FAM76B: variants seen among roughly 807,000 people sequenced by gnomAD.
The protein encoded by FAM76B is family with sequence similarity 76 member B.
In FAM76B, 16 loss-of-function variants were observed where a neutral mutation model predicts 51.8. The ratio of observed to expected loss-of-function variants is 0.31; its 90% CI spans 0.21 to 0.47. The LOEUF is 0.47. Ranked by LOEUF, FAM76B falls within the 20% of genes least tolerant of loss-of-function variation. FAM76B has a pLI of 1.00. For missense variants in FAM76B, 342 were observed against 392.6 expected, an observed-to-expected ratio of 0.87 and a Z score of 1.09; for synonymous variants, 166 against 129.5, an observed-to-expected ratio of 1.28 and a Z score of -1.91.
chr11:95,788,542 T>C lies in FAM76B; in HGVS notation c.109A>G (p.Ile37Val), dbSNP rs529765729. The change falls in exon 2 of 10, where the codon ATT (isoleucine) becomes GTT (valine). Residue 37 changes from isoleucine to valine, a missense_variant. Around this residue, in one of 3 missense-constraint regions of FAM76B, gnomAD observed 96 missense variants for 94.7 expected, o/e 1.01. Transcript: ENST00000358780. Reference protein sequence around the residue: ...LCKECRIAHPIVKCTYCRSEF... With the variant: ...LCKECRIAHPVVKCTYCRSEF... ...GATCTGCAGTAAGTACATTTTACAA[T>C]AGGATGTGCAATCCGACATTCCTGT... 4.2e-5 allele frequency: 68 copies of C among 1,612,854 alleles called. 2 individuals carry two copies. In the South Asian group the frequency reaches 4.3e-4, roughly 10 times the overall value.
chr11:95,772,982 T>C (rs2120179945), intron 9 of FAM76B, among the ~76,000 whole-genome samples: 1 of 151,200 alleles, frequency 6.6e-6, no homozygotes, highest in Admixed American at 6.6e-5. Flanking sequence ...AACGAAAAAC[T>C]TCAATTTCAA....
chr11:95,770,360 G>A lies in FAM76B; in HGVS notation c.*1201C>T, dbSNP rs1179886629. ...ATTTATTCAAAGATTATCACAGATT[G>A]GATTAAAAAGATCATTTAATTTTTT... is the stretch of plus-strand genomic sequence containing the variant. On this transcript the variant is annotated 3_prime_UTR_variant, in exon 10 of 10. Coordinates refer to ENST00000358780, the MANE Select transcript of FAM76B (RefSeq NM_144664.5). The A allele has an allele frequency of 6.6e-6, 1 of 151,492 alleles. No individual in the cohort carries two copies. Among genetic ancestry groups the A allele is most frequent in the Non-Finnish European group, 1.5e-5 (1 of 67,414 alleles). 9.4% of individuals were successfully genotyped at this position (151,492 alleles called of 1,614,324 possible). A position where few individuals can be genotyped will look rare whatever the true frequency, so the allele number is the denominator to read the frequency against.
chr11:95,773,744 G>A (rs1859875205), intron 9 of FAM76B, among the ~76,000 whole-genome samples: 1 of 151,206 alleles, frequency 6.6e-6, no homozygotes, highest in African/African-American at 2.4e-5. Flanking sequence ...CAAATGTTAG[G>A]TCCCTTTTCC....
chr11:95,776,068 C>G, intron 8 of FAM76B, 45 bp from the exon 9 acceptor site: 2 of 918,904 alleles, frequency 2.2e-6, no homozygotes, highest in Non-Finnish European at 3.1e-6. Flanking sequence ...TGCACACATA[C>G]ACACACACAC....
intron 4 of FAM76B, among the ~76,000 whole-genome samples, chr11:95,785,221 T>C (rs901497225): frequency 6.6e-5 from 10 of 152,238 alleles, no homozygotes; most frequent in Non-Finnish European, 1.2e-4. Context: ...CACTTTATCA[T>C]AGGCACGTAT....
In FAM76B at chr11:95,789,726, G is replaced by A; in HGVS notation, c.-248C>T. 2 of 480,292 alleles carry A rather than the reference G, an allele frequency of 4.2e-6. No individual in the cohort carries two copies. The highest frequency in any genetic ancestry group is 3.7e-5 in the East Asian group (1 of 27,284). 29.8% of individuals were successfully genotyped at this position (480,292 alleles called of 1,614,324 possible). ...CCGCTCCCGCTTAGGCCCCGATAGC[G>A]GCGGAGGGAGACGAAGCGGGTAGGG... is the stretch of plus-strand genomic sequence containing the variant. On this transcript the variant is annotated 5_prime_UTR_variant, in exon 1 of 10. Transcript: ENST00000358780.
intron 9 of FAM76B, among the ~76,000 whole-genome samples, chr11:95,773,306 CAA>C (rs963454698): frequency 2.7e-5 from 4 of 150,554 alleles, no homozygotes; most frequent in African/African-American, 9.7e-5. Flanking sequence ...TTACATAAGA[CAA>C]AAGTCTTTAT....
intron 8 of FAM76B, among the ~76,000 whole-genome samples, chr11:95,777,799 A>C (rs1860077013): frequency 6.6e-6 from 1 of 151,350 alleles, no homozygotes; most frequent in Non-Finnish European, 1.5e-5. Flanking sequence ...AGACTTAGAG[A>C]TGGATATAAG....
chr11:95,776,421 A>C (rs1419901647), intron 8 of FAM76B, among the ~76,000 whole-genome samples: 1 of 151,564 alleles, frequency 6.6e-6, no homozygotes, highest in East Asian at 1.9e-4. Context: ...TGCGTAAAAT[A>C]ATCTTTCAAT....
chr11:95,773,458 C>CAAA lies in FAM76B; in HGVS notation c.931-1811_931-1809dup, dbSNP rs56008636. 4.2e-3 allele frequency among the ~76,000 whole-genome samples: 539 copies of CAAA among 127,754 alleles called. 14 individuals carry two copies. Among genetic ancestry groups the CAAA allele is most frequent in the Middle Eastern group, 0.021 (5 of 236 alleles). The allele number at this position is 127,754 out of a possible 152,430, so 83.8% of individuals were successfully genotyped here. A position where few individuals can be genotyped will look rare whatever the true frequency, so the allele number is the denominator to read the frequency against. ...AAAATTACTTCATTTTGCAGCCAGC[C>CAAA]AAAAAAAAAAAAAAAAATCAATGAA... On this transcript the variant is annotated intron_variant, in intron 9 of 9. Transcript: ENST00000358780.
At chr11:95,771,818 CA>C (rs1859779393) in intron 9 of FAM76B, among the ~76,000 whole-genome samples, 168 bp from the exon 10 acceptor site, 1 of 151,060 alleles carries the variant, frequency 6.6e-6, no homozygotes, top group Admixed American at 6.6e-5. Context: ...TAAGGATGAA[CA>C]TGCAGAAGGA....
intron 9 of FAM76B, among the ~76,000 whole-genome samples, chr11:95,772,540 T>C (rs985961168): frequency 6.6e-6 from 1 of 151,146 alleles, no homozygotes; most frequent in Non-Finnish European, 1.5e-5. Context: ...TTTTTGTAGT[T>C]TGAGCCAAAA....
rs1860581288 is a variant in FAM76B at position 95,786,288 on chromosome 11, A to G, written c.208-14T>C. 1.2e-6 allele frequency: 2 copies of G among 1,612,630 alleles called. No individual in the cohort carries two copies. The highest frequency in any genetic ancestry group is 1.7e-5 in the Admixed American group (1 of 59,838). On this transcript the variant is annotated splice_polypyrimidine_tract_variant and intron_variant, in intron 3 of 9. Coordinates refer to ENST00000358780, the MANE Select transcript of FAM76B (RefSeq NM_144664.5). Reference sequence around the variant, plus strand: ...ACAAGGCTTGGGCTGAAAAACATACACATTTTGAGACTTTTAAAAACATTA... The same window carrying G: ...ACAAGGCTTGGGCTGAAAAACATACGCATTTTGAGACTTTTAAAAACATTA...
At chr11:95,787,722 AAAGT>A (rs1393601788) in intron 2 of FAM76B, 44 bp from the exon 3 acceptor site, 3 of 1,474,142 alleles carry the variant, frequency 2.0e-6, no homozygotes, top group African/African-American at 1.4e-5. Flanking sequence ...GTAGCTTTCT[AAAGT>A]AATTAGCACA....
chr11:95,779,497 T>C, intron 7 of FAM76B, 110 bp downstream of exon 7: 1 of 972,458 alleles, frequency 1.0e-6, no homozygotes, highest in Non-Finnish European at 1.5e-6. Context: ...GTGACTCAAG[T>C]CAATGTAGAA....
In FAM76B at chr11:95,769,946, C is replaced by A. The variant is rs1167491053; in HGVS notation, c.*1615G>T. The A allele has an allele frequency of 6.6e-6, 1 of 151,338 alleles. No individual in the cohort carries two copies. Among genetic ancestry groups the A allele is most frequent in the East Asian group, 1.9e-4 (1 of 5,180 alleles). 9.4% of individuals were successfully genotyped at this position (151,338 alleles called of 1,614,324 possible). A position where few individuals can be genotyped will look rare whatever the true frequency, so the allele number is the denominator to read the frequency against. The stretch of plus-strand genomic sequence containing the variant: ...ATGAGAACAGTCTATTGAAACACGT[C>A]ATGTTAAAAAAAAATTGTTTCAATC... On this transcript the variant is annotated 3_prime_UTR_variant, in exon 10 of 10. Coordinates refer to ENST00000358780, the MANE Select transcript of FAM76B (RefSeq NM_144664.5).
chr11:95,769,429 T>C lies in FAM76B; in HGVS notation c.*2132A>G, dbSNP rs975748584. On this transcript the variant is annotated 3_prime_UTR_variant, in exon 10 of 10. Coordinates refer to ENST00000358780, the MANE Select transcript of FAM76B (RefSeq NM_144664.5). ...ATGAAAGGGTTTTAGCCTTGGAATT[T>C]ACAAAGCTAAATTATTAGACTGTTA... is the stretch of plus-strand genomic sequence containing the variant. 2 of 152,318 alleles carry C rather than the reference T, an allele frequency of 1.3e-5. No homozygotes were observed. Among genetic ancestry groups the C allele is most frequent in the Non-Finnish European group, 2.9e-5 (2 of 67,844 alleles). 9.4% of individuals were successfully genotyped at this position (152,318 alleles called of 1,614,324 possible).
Position 95,771,309 on chromosome 11 carries a change from T to G in FAM76B, c.*252A>C, listed in dbSNP as rs1859755173. 3 of 359,376 alleles carry G rather than the reference T, an allele frequency of 8.3e-6. No homozygotes were observed. Among genetic ancestry groups the G allele is most frequent in the Non-Finnish European group, 1.6e-5 (3 of 189,390 alleles). 22.3% of individuals were successfully genotyped at this position (359,376 alleles called of 1,614,324 possible). A position where few individuals can be genotyped will look rare whatever the true frequency, so the allele number is the denominator to read the frequency against. ...CTACTCATGCACTCCTTTACAACTG[T>G]TTAATACTATTGCTGGCAAAAAAGT... On this transcript the variant is annotated 3_prime_UTR_variant, in exon 10 of 10. Coordinates refer to ENST00000358780, the MANE Select transcript of FAM76B (RefSeq NM_144664.5).
chr11:95,772,166 T>C (rs1455392567), intron 9 of FAM76B, among the ~76,000 whole-genome samples: 1 of 151,160 alleles, frequency 6.6e-6, no homozygotes, highest in African/African-American at 2.4e-5. Flanking sequence ...TTTGTTACTT[T>C]GCCAAATGCA....
Sources: gnomAD v4.1 joint callset for allele counts (sites outside exome capture counted in the v4.1 genomes callset) on GRCh38, gnomAD v4.1.1 for gene constraint, gnomAD v4.1.1 regional missense constraint, MANE v1.5 for transcripts, NCBI Gene and HGNC (gene_info 2026-07-23, HGNC 2026-07-21) for gene names.